CREBBP: variants seen among roughly 807,000 people sequenced by gnomAD.
The protein encoded by CREBBP is CREB binding lysine acetyltransferase.
CREBBP carries 19 observed loss-of-function variants against 265.0 expected under a neutral mutation model. That is an observed-to-expected ratio of 0.07 (90% CI 0.05 to 0.11). CREBBP has a LOEUF of 0.11. CREBBP is among the 10% of genes least tolerant of loss of function. The pLI is 1.00. For missense variants in CREBBP, 2,525 were observed against 3,219.0 expected, an observed-to-expected ratio of 0.78 and a Z score of 5.22; for synonymous variants, 1,457 against 1,223.7, an observed-to-expected ratio of 1.19 and a Z score of -3.98.
At position 3,777,868 on chromosome 16, in the gene CREBBP, T is replaced by C. The variant is rs1019831276; in HGVS notation, c.2113+143A>G. The C allele has an allele frequency of 4.4e-6, 5 of 1,126,070 alleles. No individual in the cohort carries two copies. In the East Asian group the frequency reaches 9.4e-5, roughly 21 times the overall value. The allele number at this position is 1,126,070 out of a possible 1,614,324, so 69.8% of individuals were successfully genotyped here. A position where few individuals can be genotyped will look rare whatever the true frequency, so the allele number is the denominator to read the frequency against. Reference sequence around the variant, plus strand: ...GTGTCCCAACACAGCCTGAGGCAGGTGGTCAGGGCCACTGCCACATCAACA... The same window carrying C: ...GTGTCCCAACACAGCCTGAGGCAGGCGGTCAGGGCCACTGCCACATCAACA... On this transcript the variant is annotated intron_variant, in intron 10 of 30. Coordinates refer to ENST00000262367, the MANE Select transcript of CREBBP (RefSeq NM_004380.3).
At chr16:3,843,051 C>T (rs1226217218) in intron 2 of CREBBP, among the ~76,000 whole-genome samples, 2 of 148,586 alleles carry the variant, frequency 1.3e-5, no homozygotes, top group East Asian at 2.0e-4. Context: ...GAACTGCACA[C>T]ATTTTTGCAC....
intron 1 of CREBBP, among the ~76,000 whole-genome samples, chr16:3,873,099 G>GC (rs1469295443): frequency 1.3e-5 from 2 of 152,168 alleles, no homozygotes; most frequent in African/African-American, 4.8e-5. Flanking sequence ...GTACTCACAG[G>GC]CATCTATCAG....
chr16:3,848,380 CA>C (rs2054713732), intron 2 of CREBBP, among the ~76,000 whole-genome samples: 1 of 152,112 alleles, frequency 6.6e-6, no homozygotes, highest in Non-Finnish European at 1.5e-5. Flanking sequence ...ACCATGATGT[CA>C]AAACTATTTC....
intron 2 of CREBBP, among the ~76,000 whole-genome samples, chr16:3,814,561 C>T (rs1567334376): frequency 6.6e-6 from 1 of 152,086 alleles, no homozygotes; most frequent in African/African-American, 2.4e-5. Context: ...CTGGCCATAA[C>T]TGGTCAATTT....
chr16:3,821,849 G>C (rs946788223), intron 2 of CREBBP, among the ~76,000 whole-genome samples: 2 of 152,172 alleles, frequency 1.3e-5, no homozygotes, highest in African/African-American at 4.8e-5. Context: ...GGCCAATATG[G>C]TGAAACCCTG....
At chr16:3,844,263 G>A (rs1669594877) in intron 2 of CREBBP, among the ~76,000 whole-genome samples, 1 of 151,020 alleles carries the variant, frequency 6.6e-6, no homozygotes, top group African/African-American at 2.4e-5. Context: ...TTTCATCACT[G>A]ATAAATGAGA....
intron 1 of CREBBP, among the ~76,000 whole-genome samples, chr16:3,871,132 GAAAC>G (rs1205583523): frequency 6.7e-6 from 1 of 149,624 alleles, no homozygotes; most frequent in African/African-American, 2.5e-5. Context: ...AGAAAGAAAA[GAAAC>G]AAATGGAATA....
intron 13 of CREBBP, among the ~76,000 whole-genome samples, chr16:3,772,915 C>CAAAAAAA (rs144154476): frequency 1.4e-4 from 12 of 88,842 alleles, no homozygotes; most frequent in East Asian, 3.9e-4. Context: ...ACTAAAAATA[C>CAAAAAAA]AAAAAAAAAA....
chr16:3,800,690 G>T (rs918940660), intron 3 of CREBBP, among the ~76,000 whole-genome samples: 1 of 151,974 alleles, frequency 6.6e-6, no homozygotes, highest in Non-Finnish European at 1.5e-5. Context: ...CTGTACCCCA[G>T]CCTGGGCAAC....
intron 2 of CREBBP, among the ~76,000 whole-genome samples, chr16:3,827,436 G>C (rs191917751): frequency 5.4e-4 from 82 of 152,160 alleles, no homozygotes; most frequent in Admixed American, 2.0e-3. Context: ...CTGTTGCCCA[G>C]GCTGGAGTGC....
chr16:3,756,868 G>GT (rs1035929922), intron 19 of CREBBP, among the ~76,000 whole-genome samples: 1 of 152,160 alleles, frequency 6.6e-6, no homozygotes, highest in Non-Finnish European at 1.5e-5. Context: ...CTAGGGCTGC[G>GT]TTTTAGAACG....
Position 3,743,379 on chromosome 16 carries a change from A to C in CREBBP, c.3982+1515T>G, listed in dbSNP as rs552797332. The C allele has an allele frequency of 2.6e-5, 4 of 152,392 alleles. No homozygotes were observed. The East Asian group carries it at 7.7e-4, about 29-fold the overall frequency. The allele number at this position is 152,392 out of a possible 1,614,324, so 9.4% of individuals were successfully genotyped here. A position where few individuals can be genotyped will look rare whatever the true frequency, so the allele number is the denominator to read the frequency against. ...TAACAGAGGCAGTGTAAGCTATTGC[A>C]TAACTTTGGATGTTGGTTAACAACA... On this transcript the variant is annotated intron_variant, in intron 23 of 30. Transcript: ENST00000262367.
intron 1 of CREBBP, among the ~76,000 whole-genome samples, chr16:3,856,971 G>A (rs1403206432): frequency 3.3e-5 from 5 of 152,136 alleles, no homozygotes; most frequent in Non-Finnish European, 7.3e-5. Context: ...AATGGGAACA[G>A]AACAGCTGGA....
chr16:3,737,128 C>G (rs2052081529), intron 26 of CREBBP: 1 of 473,736 alleles, frequency 2.1e-6, no homozygotes, highest in Non-Finnish European at 3.9e-6. Context: ...AATGCCATCC[C>G]CTTCCTCCTG....
chr16:3,862,307 C>T (rs1037233548), intron 1 of CREBBP, among the ~76,000 whole-genome samples: 51 of 152,208 alleles, frequency 3.4e-4, no homozygotes, highest in African/African-American at 2.2e-4. Context: ...GAGATGGCTG[C>T]TCTGCTGTGG....
intron 6 of CREBBP, among the ~76,000 whole-genome samples, chr16:3,782,453 G>C (rs1212206637): frequency 6.6e-6 from 1 of 152,226 alleles, no homozygotes; most frequent in Non-Finnish European, 1.5e-5. Flanking sequence ...CCAGACAGAA[G>C]TGGCACAGCA....
intron 13 of CREBBP, among the ~76,000 whole-genome samples, chr16:3,771,819 T>A (rs78477172): frequency 0.12 from 16,100 of 135,490 alleles, 2,009 homozygotes; most frequent in African/African-American, 0.31. Flanking sequence ...TTTTTTTTTT[T>A]AAAAAAAAAA....
At chr16:3,867,666 C>T (rs905381038) in intron 1 of CREBBP, among the ~76,000 whole-genome samples, 1 of 151,294 alleles carries the variant, frequency 6.6e-6, no homozygotes, top group Non-Finnish European at 1.5e-5. Context: ...ATCTGTAATC[C>T]CTAAACTTTG....
intron 2 of CREBBP, chr16:3,813,135 CAAAT>C (rs2053969604): frequency 8.7e-6 from 2 of 230,512 alleles, no homozygotes; most frequent in African/African-American, 2.2e-5. Context: ...TACAGAAACA[CAAAT>C]AAAAACCAAA....
Sources: gnomAD v4.1 joint callset for allele counts (sites outside exome capture counted in the v4.1 genomes callset) on GRCh38, gnomAD v4.1.1 for gene constraint, MANE v1.5 for transcripts, NCBI Gene and HGNC (gene_info 2026-07-23, HGNC 2026-07-21) for gene names.